KCNIP4: variants seen among roughly 807,000 people sequenced by gnomAD.
KCNIP4 encodes the protein Kv channel-interacting protein 4.
KCNIP4 carries 12 observed loss-of-function variants against 34.0 expected under a neutral mutation model. That is an observed-to-expected ratio of 0.35 (90% CI 0.23 to 0.57). The LOEUF is 0.57. Among genes scored for constraint, KCNIP4 ranks in the 20% least tolerant of loss-of-function variants. The pLI is 0.83. For missense variants in KCNIP4, 238 were observed against 311.7 expected, an observed-to-expected ratio of 0.76 and a Z score of 1.78; for synonymous variants, 124 against 102.2, an observed-to-expected ratio of 1.21 and a Z score of -1.29.
intron 1 of KCNIP4, among the ~76,000 whole-genome samples, chr4:21,394,364 T>C (rs1722802277): frequency 6.6e-6 from 1 of 152,162 alleles, no homozygotes; most frequent in Non-Finnish European, 1.5e-5. Context: ...TCCCTATCCC[T>C]GATAGACACA....
At chr4:21,011,801 C>T (rs899399418) in intron 1 of KCNIP4, among the ~76,000 whole-genome samples, 5 of 152,176 alleles carry the variant, frequency 3.3e-5, no homozygotes, top group African/African-American at 1.2e-4. Context: ...CAGAAAGTCT[C>T]CTACTCTTAC....
intron 1 of KCNIP4, among the ~76,000 whole-genome samples, chr4:21,423,488 CT>C (rs1725666088): frequency 6.6e-6 from 1 of 152,112 alleles, no homozygotes; most frequent in Non-Finnish European, 1.5e-5. Flanking sequence ...AAGAAGCTGC[CT>C]TCTATACATT....
At chr4:21,603,594 C>G (rs1024658779) in intron 1 of KCNIP4, among the ~76,000 whole-genome samples, 3 of 151,996 alleles carry the variant, frequency 2.0e-5, no homozygotes, top group Non-Finnish European at 4.4e-5. Context: ...ACCTTGCCGG[C>G]TAAGCTAAAA....
chr4:20,839,571 T>C (rs141179301), intron 3 of KCNIP4, among the ~76,000 whole-genome samples: 147 of 150,736 alleles, frequency 9.8e-4, no homozygotes, highest in African/African-American at 3.3e-3. Flanking sequence ...GAATCAAAGT[T>C]TGAGAGGGGG....
At chr4:20,895,432 T>C (rs1043202520) in intron 1 of KCNIP4, among the ~76,000 whole-genome samples, 1 of 152,166 alleles carries the variant, frequency 6.6e-6, no homozygotes, top group African/African-American at 2.4e-5. Context: ...AAAATGGGGC[T>C]AATAATAGAT....
Position 20,734,709 on chromosome 4 carries a change from CA to C in KCNIP4, c.455del (p.Leu152CysfsTer19). On this transcript the variant is annotated frameshift_variant, in exon 6 of 9. Transcript: ENST00000382152. LOFTEE classifies it high-confidence loss of function. ...GTTTTTCTTGTACTGTCCCCCGGAG[CA>C]AAATGGAAAGACCTTTGATGAAATC... is the stretch of plus-strand genomic sequence containing the variant. Reference protein sequence around the residue: ...FEDFIKGLSILLRGTVQEKLN... With the variant: ...FEDFIKGLSIXLRGTVQEKLN... 1 of 1,586,728 alleles carries C rather than the reference CA, an allele frequency of 6.3e-7. No individual in the cohort carries two copies. Among genetic ancestry groups the C allele is most frequent in the Non-Finnish European group, 8.6e-7 (1 of 1,167,108 alleles).
intron 1 of KCNIP4, among the ~76,000 whole-genome samples, chr4:21,304,891 AT>A (rs1282434088): frequency 1.3e-5 from 2 of 152,104 alleles, no homozygotes; most frequent in Non-Finnish European, 2.9e-5. Context: ...ACACCAAAAT[AT>A]ATACAGTATT....
chr4:21,134,153 A>T (rs1751317452), intron 1 of KCNIP4, among the ~76,000 whole-genome samples: 1 of 152,132 alleles, frequency 6.6e-6, no homozygotes, highest in African/African-American at 2.4e-5. Flanking sequence ...TGAATGACCC[A>T]GGTCCAATTA....
intron 1 of KCNIP4, among the ~76,000 whole-genome samples, chr4:21,914,051 C>T (rs895423613): frequency 1.3e-5 from 2 of 152,022 alleles, no homozygotes; most frequent in African/African-American, 4.8e-5. Flanking sequence ...CAGAGGCCAC[C>T]GCATGAAACA....
At chr4:21,018,689 T>C (rs1739767985) in intron 1 of KCNIP4, among the ~76,000 whole-genome samples, 1 of 152,198 alleles carries the variant, frequency 6.6e-6, no homozygotes, top group African/African-American at 2.4e-5. Context: ...CATCATAATT[T>C]GATTGATTGT....
At chr4:21,825,820 C>T (rs1034487652) in intron 1 of KCNIP4, among the ~76,000 whole-genome samples, 5 of 152,158 alleles carry the variant, frequency 3.3e-5, no homozygotes, top group South Asian at 2.1e-4. Flanking sequence ...AAAAACAAGA[C>T]GGTTTCAGGT....
chr4:21,314,908 A>G (rs1414280477), intron 1 of KCNIP4, among the ~76,000 whole-genome samples: 1 of 152,094 alleles, frequency 6.6e-6, no homozygotes, highest in Non-Finnish European at 1.5e-5. Flanking sequence ...TTCTTCTTGT[A>G]TTTATAGTTT....
chr4:20,738,589 A>T lies in KCNIP4; in HGVS notation c.430-3854T>A, dbSNP rs141816968. On this transcript the variant is annotated intron_variant, in intron 5 of 8. Transcript: ENST00000382152. ...CACCACACAAAACAGCAGAGAAACAATGAAAGATTTAAAGATAGCACTTTT... is the reference window on the plus strand; with the variant it reads ...CACCACACAAAACAGCAGAGAAACATTGAAAGATTTAAAGATAGCACTTTT... Among the ~76,000 whole-genome samples, 354 of 152,348 alleles carry T rather than the reference A, an allele frequency of 2.3e-3. 8 individuals carry two copies. The South Asian group carries it at 0.046, about 20-fold the overall frequency.
chr4:20,903,695 C>T (rs949395124), intron 1 of KCNIP4, among the ~76,000 whole-genome samples: 6 of 152,132 alleles, frequency 3.9e-5, no homozygotes, highest in Non-Finnish European at 8.8e-5. Flanking sequence ...AACCAAGCTG[C>T]GCCCCAATCA....
At chr4:20,853,579 T>G (rs1418835004) in intron 2 of KCNIP4, among the ~76,000 whole-genome samples, 1 of 151,830 alleles carries the variant, frequency 6.6e-6, no homozygotes, top group East Asian at 1.9e-4. Context: ...GACACTGGCT[T>G]AGGCAAGGAT....
At chr4:21,004,113 T>C (rs1448957250) in intron 1 of KCNIP4, among the ~76,000 whole-genome samples, 5 of 152,052 alleles carry the variant, frequency 3.3e-5, no homozygotes, top group African/African-American at 1.2e-4. Flanking sequence ...TTGGCTATAG[T>C]ATGGATTTAA....
chr4:20,915,014 AAG>A (rs765883439), intron 1 of KCNIP4, among the ~76,000 whole-genome samples: 2 of 152,232 alleles, frequency 1.3e-5, no homozygotes, highest in African/African-American at 2.4e-5. Flanking sequence ...ACCTTGCAGT[AAG>A]AGAGTCTAAG....
At chr4:21,872,783 GT>G (rs1377980201) in intron 1 of KCNIP4, among the ~76,000 whole-genome samples, 3 of 152,130 alleles carry the variant, frequency 2.0e-5, no homozygotes, top group Non-Finnish European at 2.9e-5. Context: ...TTCAAGAATT[GT>G]TAAAATTGTC....
intron 1 of KCNIP4, among the ~76,000 whole-genome samples, chr4:21,572,533 CA>C (rs573486023): frequency 5.3e-5 from 8 of 152,124 alleles, no homozygotes; most frequent in Admixed American, 1.3e-4. Context: ...TTCATGCAGT[CA>C]CTTAATTTCT....
Sources: allele counts gnomAD v4.1 joint callset (sites outside exome capture counted in the v4.1 genomes callset), GRCh38; gene constraint gnomAD v4.1.1; transcripts MANE v1.5; gene names NCBI Gene and HGNC (gene_info 2026-07-23, HGNC 2026-07-21).